RPS6KC1: variants seen among roughly 807,000 people sequenced by gnomAD.
RPS6KC1 encodes the protein inactive ribosomal protein S6 kinase delta-1.
In RPS6KC1, 54 loss-of-function variants were observed where a neutral mutation model predicts 103.8. That is an observed-to-expected ratio of 0.52 (90% CI 0.42 to 0.65). The LOEUF (loss-of-function observed/expected upper bound fraction) is 0.65. Among genes scored for constraint, RPS6KC1 ranks in the 30% least tolerant of loss-of-function variants. The pLI is 0.00. For synonymous variants in RPS6KC1, 439 were observed against 438.7 expected, an observed-to-expected ratio of 1.00 and a Z score of -0.01; for missense variants, 1,151 against 1,253.8, an observed-to-expected ratio of 0.92 and a Z score of 1.24.
At chr1:213,186,018 GT>G (rs1175854078) in intron 8 of RPS6KC1, among the ~76,000 whole-genome samples, 1 of 151,158 alleles carries the variant, frequency 6.6e-6, no homozygotes, top group Non-Finnish European at 1.5e-5. Flanking sequence ...ATAATCTGCA[GT>G]TTAACATCAT....
chr1:213,117,259 A>G, intron 4 of RPS6KC1, 58 bp from the exon 5 acceptor site: 1 of 959,558 alleles, frequency 1.0e-6, no homozygotes. Context: ...ACTATTTTTT[A>G]TTTAGTGTTG....
chr1:213,572,943 T>C, the RPS6KC1 span, among the ~76,000 whole-genome samples: 2 of 152,150 alleles, frequency 1.3e-5, no homozygotes, highest in Non-Finnish European at 1.5e-5. Context: ...CTTTCTCTCT[T>C]TCTTTTTTTT....
chr1:213,802,696 A>C, the RPS6KC1 span, among the ~76,000 whole-genome samples: 1 of 152,340 alleles, frequency 6.6e-6, no homozygotes, highest in African/African-American at 2.4e-5. Context: ...GAAGATCCTA[A>C]GGACATTTCT....
chr1:213,571,938 A>T, the RPS6KC1 span, among the ~76,000 whole-genome samples: 3 of 152,310 alleles, frequency 2.0e-5, no homozygotes, highest in South Asian at 6.2e-4. Context: ...GAGAATGCTG[A>T]TGCTGCTGGG....
chr1:213,553,626 G>A, the RPS6KC1 span, among the ~76,000 whole-genome samples: 1 of 152,120 alleles, frequency 6.6e-6, no homozygotes, highest in Admixed American at 6.6e-5. Context: ...CAGTGGCTGA[G>A]CTAATGTACA....
At chr1:213,528,059 C>A in the RPS6KC1 span, among the ~76,000 whole-genome samples, 2 of 151,476 alleles carry the variant, frequency 1.3e-5, no homozygotes, top group Non-Finnish European at 2.9e-5. Flanking sequence ...TGTCTCAGGG[C>A]AGAGGCAAAA....
chr1:213,761,024 C>G, the RPS6KC1 span, among the ~76,000 whole-genome samples: 1 of 151,076 alleles, frequency 6.6e-6, no homozygotes, highest in African/African-American at 2.4e-5. Flanking sequence ...AGCTCCATAT[C>G]TAGTTTATGT....
At chr1:213,723,887 T>A in the RPS6KC1 span, among the ~76,000 whole-genome samples, 1 of 148,566 alleles carries the variant, frequency 6.7e-6, no homozygotes, top group Non-Finnish European at 1.5e-5. Flanking sequence ...ATATATGACA[T>A]GTCAAATAAT....
intron 14 of RPS6KC1, among the ~76,000 whole-genome samples, chr1:213,271,864 A>G (rs1183695615): frequency 3.3e-5 from 5 of 151,976 alleles, no homozygotes; most frequent in African/African-American, 1.2e-4. Context: ...CTTATAAGGG[A>G]TGAATTTATA....
chr1:213,475,604 G>A, the RPS6KC1 span, among the ~76,000 whole-genome samples: 1 of 143,664 alleles, frequency 7.0e-6, no homozygotes, highest in African/African-American at 2.5e-5. Flanking sequence ...CCCACCCCAC[G>A]TCCCTCCCGC....
chr1:213,503,615 T>C, the RPS6KC1 span, among the ~76,000 whole-genome samples: 57 of 152,316 alleles, frequency 3.7e-4, no homozygotes, highest in Non-Finnish European at 5.6e-4. Context: ...TTATCACACA[T>C]AAAGCCAAAA....
chr1:213,219,767 C>T (rs931970588), intron 8 of RPS6KC1, among the ~76,000 whole-genome samples: 32 of 148,424 alleles, frequency 2.2e-4, no homozygotes, highest in African/African-American at 7.7e-4. Context: ...CGACAAAAAC[C>T]AAACACTACA....
chr1:213,753,649 C>T, the RPS6KC1 span, among the ~76,000 whole-genome samples: 1 of 152,206 alleles, frequency 6.6e-6, no homozygotes, highest in Non-Finnish European at 1.5e-5. Flanking sequence ...CCTGATGCTG[C>T]AGGCAGCTTC....
At chr1:213,784,037 G>A in the RPS6KC1 span, among the ~76,000 whole-genome samples, 1 of 152,192 alleles carries the variant, frequency 6.6e-6, no homozygotes, top group Non-Finnish European at 1.5e-5. Context: ...GCAGACAGAA[G>A]AGGAAGCTGC....
At chr1:213,794,822 C>T in the RPS6KC1 span, among the ~76,000 whole-genome samples, 4 of 152,146 alleles carry the variant, frequency 2.6e-5, no homozygotes, top group East Asian at 3.9e-4. Flanking sequence ...CCATAGTGAC[C>T]TTTAACCTAT....
At chr1:213,211,084 T>G (rs1395204023) in intron 8 of RPS6KC1, among the ~76,000 whole-genome samples, 1 of 152,256 alleles carries the variant, frequency 6.6e-6, no homozygotes, top group African/African-American at 2.4e-5. Flanking sequence ...TCAGAGTATT[T>G]GGTTTTTCTA....
At chr1:213,839,440 A>G in the RPS6KC1 span, among the ~76,000 whole-genome samples, 1 of 152,146 alleles carries the variant, frequency 6.6e-6, no homozygotes, top group Non-Finnish European at 1.5e-5. Context: ...GGCATACTTT[A>G]TGTCATAGTG....
intron 3 of RPS6KC1, among the ~76,000 whole-genome samples, chr1:213,098,967 A>G (rs2081753571): frequency 6.6e-6 from 1 of 152,184 alleles, no homozygotes; most frequent in Non-Finnish European, 1.5e-5. Flanking sequence ...CTATGTCTAT[A>G]ATTTTTCTAC....
chr1:213,217,612 A>ATCAATAAAATACTGGC, intron 8 of RPS6KC1, among the ~76,000 whole-genome samples: 2 of 152,224 alleles, frequency 1.3e-5, no homozygotes, highest in Non-Finnish European at 2.9e-5. Flanking sequence ...ACATCGATGC[A>ATCAATAAAATACTGGC]AAAATCCTCA....
Sources: gnomAD v4.1 joint callset for allele counts (sites outside exome capture counted in the v4.1 genomes callset) on GRCh38, gnomAD v4.1.1 for gene constraint, MANE v1.5 for transcripts, NCBI Gene and HGNC (gene_info 2026-07-23, HGNC 2026-07-21) for gene names.